The following ADAMTS16 variants were observed in gnomAD, a reference collection of about 807,000 sequenced individuals.
ADAMTS16 encodes the protein ADAM metallopeptidase with thrombospondin type 1 motif 16, also known as A disintegrin and metalloproteinase with thrombospondin motifs 16.
A neutral mutation model predicts 145.8 loss-of-function variants in ADAMTS16; 94 were observed. The ratio of observed to expected loss-of-function variants is 0.64; its 90% CI spans 0.55 to 0.77. The LOEUF (loss-of-function observed/expected upper bound fraction) is 0.77. Ranked by LOEUF, ADAMTS16 falls within the 30% of genes least tolerant of loss-of-function variation. The pLI is 0.00. For synonymous variants in ADAMTS16, 659 were observed against 604.3 expected, an observed-to-expected ratio of 1.09 and a Z score of -1.33; for missense variants, 1,585 against 1,591.5, an observed-to-expected ratio of 1.00 and a Z score of 0.07.
In ADAMTS16 at chr5:5,317,899, T is replaced by C. The variant is rs1294147815; in HGVS notation, c.3412-235T>C. On this transcript the variant is annotated intron_variant, in intron 21 of 22. Transcript: ENST00000274181. The surrounding 1 kb of genome is among the most constrained non-coding windows in gnomAD (Gnocchi z 4.5). ...ATGTCAGCTGGTTGGTTTGGAATGCTCTGCTAGAGGCCTGGCCCAGCACAT... is the reference window on the plus strand; with the variant it reads ...ATGTCAGCTGGTTGGTTTGGAATGCCCTGCTAGAGGCCTGGCCCAGCACAT... Among the ~76,000 whole-genome samples the C allele has an allele frequency of 6.6e-6, 1 of 152,222 alleles. No individual in the cohort carries two copies. Among genetic ancestry groups the C allele is most frequent in the East Asian group, 1.9e-4 (1 of 5,186 alleles).
intron 6 of ADAMTS16, among the ~76,000 whole-genome samples, chr5:5,188,299 A>G (rs1180609195): frequency 2.6e-5 from 4 of 152,016 alleles, no homozygotes; most frequent in Admixed American, 2.0e-4. Flanking sequence ...TTTTATTTTT[A>G]TTGAGATTTC....
At chr5:5,312,926 C>G (rs529537199) in intron 21 of ADAMTS16, among the ~76,000 whole-genome samples, 2 of 152,320 alleles carry the variant, frequency 1.3e-5, no homozygotes, top group Middle Eastern at 6.8e-3. Context: ...AAACTGAACC[C>G]TAACCTCTGG....
At chr5:5,290,383 G>A (rs1004067152) in intron 18 of ADAMTS16, among the ~76,000 whole-genome samples, 2 of 152,210 alleles carry the variant, frequency 1.3e-5, no homozygotes, top group South Asian at 4.1e-4. Flanking sequence ...GGCCGGGCGT[G>A]GTGGCTCATG....
intron 17 of ADAMTS16, among the ~76,000 whole-genome samples, chr5:5,262,037 A>G (rs1320725167): frequency 6.6e-6 from 1 of 152,226 alleles, no homozygotes; most frequent in African/African-American, 2.4e-5. Context: ...AATTTAATTA[A>G]TTGAAATATT....
intron 17 of ADAMTS16, among the ~76,000 whole-genome samples, chr5:5,246,812 T>A (rs552076593): frequency 6.6e-6 from 1 of 152,140 alleles, no homozygotes; most frequent in Admixed American, 6.6e-5. Flanking sequence ...GAGTTCGGAG[T>A]GTATAAGGAC....
chr5:5,158,658 A>G (rs1734663822), intron 3 of ADAMTS16, among the ~76,000 whole-genome samples: 1 of 152,188 alleles, frequency 6.6e-6, no homozygotes, highest in African/African-American at 2.4e-5. Context: ...CATGTGAGTC[A>G]CTTTTCTAGT....
At chr5:5,184,582 C>T (rs967535247) in intron 4 of ADAMTS16, among the ~76,000 whole-genome samples, 6 of 152,108 alleles carry the variant, frequency 3.9e-5, no homozygotes, top group Admixed American at 1.3e-4. Flanking sequence ...AGGCATTTTT[C>T]GGTGGAAAAG....
intron 9 of ADAMTS16, among the ~76,000 whole-genome samples, chr5:5,201,745 C>G (rs1735964058): frequency 6.6e-6 from 1 of 152,050 alleles, no homozygotes; most frequent in South Asian, 2.1e-4. Flanking sequence ...ATCTGCCTTC[C>G]AAGTCTTTGT....
chr5:5,236,196 G>T (rs1489693299), intron 13 of ADAMTS16, among the ~76,000 whole-genome samples: 1 of 152,102 alleles, frequency 6.6e-6, no homozygotes, highest in Non-Finnish European at 1.5e-5. Flanking sequence ...GAATTATTCA[G>T]TTGGGCCTCT....
chr5:5,255,907 C>T (rs1446655032), intron 17 of ADAMTS16, among the ~76,000 whole-genome samples: 2 of 152,134 alleles, frequency 1.3e-5, no homozygotes, highest in Admixed American at 6.5e-5. Context: ...TTTATTCTTA[C>T]TCATATATTG....
Position 5,239,154 on chromosome 5 carries a change from G to C in ADAMTS16, c.2158G>C (p.Val720Leu). 6.4e-7 allele frequency: 1 copy of C among 1,553,446 alleles called. No individual in the cohort carries two copies. Among genetic ancestry groups the C allele is most frequent in the Non-Finnish European group, 8.7e-7 (1 of 1,152,308 alleles). The change falls in exon 15 of 23, where the codon GTT (valine) becomes CTT (leucine). Residue 720 changes from valine to leucine, a missense_variant. Physicochemically the swap from Val to Leu is conservative, Grantham distance 32. This residue lies in a region of ADAMTS16 where 834 missense variants were observed against 811.7 expected (regional missense o/e 1.03). Transcript: ENST00000274181. ...NVCIDGICER[V>L]GCDNVLGSDA... ...TGTGACCTCATGGGCCCTCCAGAGAGTTGGATGTGACAATGTCCTTGGATC... is the reference window on the plus strand; with the variant it reads ...TGTGACCTCATGGGCCCTCCAGAGACTTGGATGTGACAATGTCCTTGGATC...
chr5:5,260,840 G>T (rs2913654), intron 17 of ADAMTS16, among the ~76,000 whole-genome samples: 19,663 of 152,226 alleles, frequency 0.13, 1,447 homozygotes, highest in East Asian at 0.25. Flanking sequence ...AGTCAGGAAG[G>T]GTTTGACTTC....
At chr5:5,211,878 T>C (rs1028728786) in intron 10 of ADAMTS16, among the ~76,000 whole-genome samples, 3 of 152,302 alleles carry the variant, frequency 2.0e-5, no homozygotes, top group Non-Finnish European at 4.4e-5. Flanking sequence ...AGTTTTGATT[T>C]CTAATTTCAT....
intron 18 of ADAMTS16, among the ~76,000 whole-genome samples, chr5:5,289,212 AG>A (rs1392677005): frequency 2.6e-5 from 4 of 152,040 alleles, no homozygotes; most frequent in South Asian, 2.1e-4. Flanking sequence ...TAGAAAAAAA[AG>A]CTTAGTGCCC....
chr5:5,210,110 A>T (rs1238966651), intron 10 of ADAMTS16, among the ~76,000 whole-genome samples: 1 of 152,344 alleles, frequency 6.6e-6, no homozygotes, highest in East Asian at 1.9e-4. Flanking sequence ...AGACTGGAAC[A>T]AGATCTGTAA....
At chr5:5,187,694 G>GGGGC in intron 5 of ADAMTS16, 31 bp from the exon 6 acceptor site, 1 of 1,507,270 alleles carries the variant, frequency 6.6e-7, no homozygotes, top group Non-Finnish European at 9.2e-7. Context: ...TGCCATTTAT[G>GGGGC]GGGCTGACAT....
At chr5:5,146,078 T>G (rs1734283655) in intron 2 of ADAMTS16, 52 bp from the exon 3 acceptor site, 1 of 1,489,284 alleles carries the variant, frequency 6.7e-7, no homozygotes, top group Admixed American at 1.8e-5. Context: ...ACTTCCTGAT[T>G]CTTCTCGGAA....
chr5:5,157,107 T>A (rs934374744), intron 3 of ADAMTS16, among the ~76,000 whole-genome samples: 3 of 143,762 alleles, frequency 2.1e-5, no homozygotes, highest in African/African-American at 5.0e-5. Flanking sequence ...AGAGTTTAAC[T>A]TTTTTTTTTT....
At chr5:5,221,032 G>A (rs1173460635) in intron 10 of ADAMTS16, among the ~76,000 whole-genome samples, 5 of 152,126 alleles carry the variant, frequency 3.3e-5, no homozygotes, top group Admixed American at 3.3e-4. Flanking sequence ...AGCCGCCCAG[G>A]GGCTGCTCAA....
Sources: allele counts gnomAD v4.1 joint callset (sites outside exome capture counted in the v4.1 genomes callset), GRCh38; gene constraint gnomAD v4.1.1; regional missense constraint gnomAD v4.1.1; non-coding constraint Gnocchi (gnomAD v3.1); transcripts MANE v1.5; gene names NCBI Gene and HGNC (gene_info 2026-07-23, HGNC 2026-07-21).